UNC13A: variants seen among roughly 807,000 people sequenced by gnomAD.
The protein encoded by UNC13A is protein unc-13 homolog A.
Under a neutral mutation model 219.7 loss-of-function variants are expected in UNC13A, and 61 were observed. The ratio of observed to expected loss-of-function variants is 0.28; its 90% CI spans 0.23 to 0.34. The LOEUF (loss-of-function observed/expected upper bound fraction) is 0.34, where lower values mean the gene tolerates loss of function less well. Among genes scored for constraint, UNC13A ranks in the 10% least tolerant of loss-of-function variants. UNC13A has a pLI of 1.00. For synonymous variants in UNC13A, 920 were observed against 884.6 expected (o/e 1.04, Z -0.71); for missense variants, 1,476 against 2,270.3 (o/e 0.65, Z 7.11).
Position 17,605,748 on chromosome 19 carries a change from A to T in UNC13A, c.*306T>A, listed in dbSNP as rs1568493705. On this transcript the variant is annotated 3_prime_UTR_variant, in exon 44 of 44. Coordinates refer to ENST00000519716, the MANE Select transcript of UNC13A (RefSeq NM_001080421.3). ...AGAGCCCCGGGATGTGGCCTCCTCC[A>T]TAGGGACGAGGTTTCCCCCATCCCA... 4 of 339,060 alleles carry T rather than the reference A, an allele frequency of 1.2e-5. No individual in the cohort carries two copies. 21.0% of individuals were successfully genotyped at this position (339,060 alleles called of 1,614,324 possible).
intron 26 of UNC13A, 51 bp downstream of exon 26, chr19:17,635,970 TATA>T: frequency 2.6e-6 from 4 of 1,564,132 alleles, no homozygotes; most frequent in Non-Finnish European, 3.5e-6. Context: ...CACAAAGTTG[TATA>T]CATACACACG....
At chr19:17,664,125 G>T (rs999459425) in intron 7 of UNC13A, among the ~76,000 whole-genome samples, 1 of 152,064 alleles carries the variant, frequency 6.6e-6, no homozygotes, top group African/African-American at 2.4e-5. Context: ...GAGAGGAAAG[G>T]CTCAGTCAGG....
rs573019303 is a variant in UNC13A, at chr19:17,680,876, T to C, written c.23-4835A>G. 5.2e-5 allele frequency among the ~76,000 whole-genome samples: 6 copies of C among 116,238 alleles called. No individual in the cohort carries two copies. The East Asian group carries it at 1.2e-3, about 23-fold the overall frequency. The allele number at this position is 116,238 out of a possible 152,430, so 76.3% of individuals were successfully genotyped here. A position where few individuals can be genotyped will look rare whatever the true frequency, so the allele number is the denominator to read the frequency against. On this transcript the variant is annotated intron_variant, in intron 1 of 43. Coordinates refer to ENST00000519716, the MANE Select transcript of UNC13A (RefSeq NM_001080421.3). ...TTTTCTCTTCTTCTTCTTCTTTTTT[T>C]TTCTTTTCTTTTCTTTTTTTTTTTT... is the stretch of plus-strand genomic sequence containing the variant.
chr19:17,625,065 T>C, intron 34 of UNC13A, 113 bp from the exon 35 acceptor site: 1 of 1,478,650 alleles, frequency 6.8e-7, no homozygotes, highest in Non-Finnish European at 9.0e-7. Flanking sequence ...GCCCACAGCC[T>C]GTACAGGGAC....
Position 17,647,345 on chromosome 19 carries a change from G to T in UNC13A, c.1964C>A (p.Ala655Glu). ...IQEIFAVTKT[A>E]HTQQMKAVKQ... ...GACCGCCTTCATCTGCTGCGTGTGC[G>T]CCGTCTTGGTCACCGCGAAGATCTC... is the stretch of plus-strand genomic sequence containing the variant. Residue 655 changes from alanine to glutamate, a missense_variant, in exon 17 of 44, where the codon GCG becomes GAG. Physicochemically the swap from Ala to Glu is moderately radical, Grantham distance 107. Coordinates refer to ENST00000519716, the MANE Select transcript of UNC13A (RefSeq NM_001080421.3). 6.2e-7 allele frequency: 1 copy of T among 1,612,948 alleles called. No individual in the cohort carries two copies.
In UNC13A at chr19:17,639,085, G is replaced by A. The variant is rs2076940763; in HGVS notation, c.3079C>T (p.Pro1027Ser). The A allele has an allele frequency of 1.3e-6, 2 of 1,591,382 alleles. No individual in the cohort carries two copies. Among genetic ancestry groups the A allele is most frequent in the Admixed American group, 3.6e-5 (2 of 55,402 alleles). ...ELYSREYQTD[P>S]AKKGEVLPEE... Reference sequence around the variant, plus strand: ...TTCTGACCCATCTGGAGTCTCACCGGGTCTGTCTGGTACTCCCGGCTGTAC... The same window carrying A: ...TTCTGACCCATCTGGAGTCTCACCGAGTCTGTCTGGTACTCCCGGCTGTAC... The change falls in exon 25 of 44, where the codon CCG (proline) becomes TCG (serine). Residue 1027 changes from proline (P) to serine (S), a missense_variant and splice_region_variant. This residue lies in a region of UNC13A where 24 missense variants were observed against 16.0 expected (regional missense o/e 1.50). Coordinates refer to ENST00000519716, the MANE Select transcript of UNC13A (RefSeq NM_001080421.3).
rs907439952 is a variant in UNC13A at position 17,608,352 on chromosome 19, A to T, written c.4811+1588T>A. 3.0e-3 allele frequency among the ~76,000 whole-genome samples: 351 copies of T among 116,986 alleles called. 1 individual carries two copies. Among genetic ancestry groups the T allele is most frequent in the Non-Finnish European group, 4.9e-3 (288 of 58,698 alleles). The allele number at this position is 116,986 out of a possible 152,430, so 76.7% of individuals were successfully genotyped here. On this transcript the variant is annotated intron_variant, in intron 43 of 43. Transcript: ENST00000519716. ...ATATATACTATATATAATTTTATAT[A>T]TAATATAAATATATATTATATATGT... is the stretch of plus-strand genomic sequence containing the variant.
chr19:17,601,844 G>A lies in UNC13A; in HGVS notation c.*4210C>T, dbSNP rs1032570155. On this transcript the variant is annotated 3_prime_UTR_variant, in exon 44 of 44. Transcript: ENST00000519716. ...AAAGGCAAAGAGAAAAGCAACACGT[G>A]TCAGCAAAGACAACTTTGGTCCTCA... 4.6e-5 allele frequency: 7 copies of A among 152,674 alleles called. No homozygotes were observed. Among genetic ancestry groups the A allele is most frequent in the African/African-American group, 1.7e-4 (7 of 41,458 alleles). The allele number at this position is 152,674 out of a possible 1,614,324, so 9.5% of individuals were successfully genotyped here.
At chr19:17,648,185 CCT>C (rs2079276688) in intron 16 of UNC13A, among the ~76,000 whole-genome samples, 1 of 151,664 alleles carries the variant, frequency 6.6e-6, no homozygotes, top group Non-Finnish European at 1.5e-5. Context: ...CTGCCCCACC[CCT>C]CTCTGACACC....
At chr19:17,609,362 C>G (rs1369564906) in intron 43 of UNC13A, among the ~76,000 whole-genome samples, 2 of 151,998 alleles carry the variant, frequency 1.3e-5, no homozygotes, top group African/African-American at 4.8e-5. Flanking sequence ...CTCCAAGAAC[C>G]TCCATCCAAT....
chr19:17,638,565 G>A (rs897670606), intron 25 of UNC13A, among the ~76,000 whole-genome samples: 1 of 152,128 alleles, frequency 6.6e-6, no homozygotes, highest in Non-Finnish European at 1.5e-5. Flanking sequence ...GGTGGCTCAC[G>A]CCTATAATCT....
chr19:17,647,847 C>CT (rs1418175598), intron 16 of UNC13A, among the ~76,000 whole-genome samples: 7 of 141,268 alleles, frequency 5.0e-5, no homozygotes, highest in Non-Finnish European at 9.3e-5. Context: ...CGCCCCCTCT[C>CT]TGAGTCCCAC....
chr19:17,669,184 A>C (rs1242683545), intron 5 of UNC13A, among the ~76,000 whole-genome samples: 21 of 152,142 alleles, frequency 1.4e-4, no homozygotes, highest in Non-Finnish European at 1.5e-5. Flanking sequence ...GCCTCTGTCT[A>C]CATGTCTCTC....
In UNC13A at chr19:17,682,431, G is replaced by T. The variant is rs144627055; in HGVS notation, c.22+5747C>A. Among the ~76,000 whole-genome samples the T allele has an allele frequency of 5.0e-4, 76 of 152,330 alleles. No individual in the cohort carries two copies. In the East Asian group the frequency reaches 0.013, roughly 25 times the overall value. ...AAGGAATGCAGAGGATGTGAGACTT[G>T]CCAGGAAGTGGTGGACTTAGCAATT... On this transcript the variant is annotated intron_variant, in intron 1 of 43. Coordinates refer to ENST00000519716, the MANE Select transcript of UNC13A (RefSeq NM_001080421.3).
At chr19:17,642,509 G>A (rs1410575542) in intron 20 of UNC13A, among the ~76,000 whole-genome samples, 1 of 152,040 alleles carries the variant, frequency 6.6e-6, no homozygotes, top group African/African-American at 2.4e-5. Context: ...CTAGTTCCTG[G>A]GGATAAGAGT....
intron 1 of UNC13A, among the ~76,000 whole-genome samples, chr19:17,683,007 G>A (rs566776262): frequency 1.5e-4 from 23 of 152,334 alleles, no homozygotes; most frequent in African/African-American, 5.3e-4. Context: ...GGAGGTTACA[G>A]TGAACTGAAA....
intron 7 of UNC13A, among the ~76,000 whole-genome samples, chr19:17,664,521 A>G (rs1328214736): frequency 6.6e-6 from 1 of 152,100 alleles, no homozygotes; most frequent in African/African-American, 2.4e-5. Context: ...CCAAGGGAGG[A>G]CTTGTGGGTA....
Position 17,674,847 on chromosome 19 carries a change from AG to A in UNC13A, c.53-92del. ...CTAGACCATCTGCTGTGATCCCCTC[AG>A]GAATTTCTGGGCCACTCACCCCCTA... On this transcript the variant is annotated intron_variant, in intron 2 of 43. Transcript: ENST00000519716. This position sits in a 1 kb window ranked among gnomAD's most constrained non-coding sequence, Gnocchi z 5.0. 8.6e-7 allele frequency: 1 copy of A among 1,162,764 alleles called. No individual in the cohort carries two copies. Among genetic ancestry groups the A allele is most frequent in the Non-Finnish European group, 1.3e-6 (1 of 787,582 alleles). The allele number at this position is 1,162,764 out of a possible 1,614,324, so 72.0% of individuals were successfully genotyped here.
At chr19:17,639,951 A>G (rs779857876) in intron 22 of UNC13A, 43 bp from the exon 23 acceptor site, 9 of 1,597,920 alleles carry the variant, frequency 5.6e-6, no homozygotes, top group African/African-American at 5.4e-5. Context: ...GAGGCAGGAC[A>G]TGGCCGCCAT....
Sources: gnomAD v4.1 joint callset for allele counts (sites outside exome capture counted in the v4.1 genomes callset) on GRCh38, gnomAD v4.1.1 for gene constraint, gnomAD v4.1.1 regional missense constraint, Gnocchi (gnomAD v3.1) non-coding constraint, MANE v1.5 for transcripts, NCBI Gene and HGNC (gene_info 2026-07-23, HGNC 2026-07-21) for gene names.